Variants in NFATC3 observed in about 807,000 individuals in gnomAD.
NFATC3 encodes nuclear factor of activated T cells 3, also known as nuclear factor of activated T-cells, cytoplasmic 3.
A neutral mutation model predicts 98.6 loss-of-function variants in NFATC3; 46 were observed. The observed-to-expected ratio is 0.47, with a 90% CI of 0.37 to 0.60. The LOEUF is 0.60. Ranked by LOEUF, NFATC3 falls within the 20% of genes least tolerant of loss-of-function variation. NFATC3 has a pLI of 0.00. For missense variants in NFATC3, 1,256 were observed against 1,295.5 expected, an observed-to-expected ratio of 0.97 and a Z score of 0.47; for synonymous variants, 512 against 472.2, an observed-to-expected ratio of 1.08 and a Z score of -1.09.
At chr16:68,221,442 T>C (rs2041861684) in intron 9 of NFATC3, 2 of 1,384,244 alleles carry the variant, frequency 1.4e-6, no homozygotes, top group African/African-American at 2.9e-5. Flanking sequence ...TTATATTCAG[T>C]GCTCACCTGT....
intron 9 of NFATC3, among the ~76,000 whole-genome samples, chr16:68,204,448 A>G: frequency 6.6e-6 from 1 of 152,240 alleles, no homozygotes; most frequent in African/African-American, 2.4e-5. Flanking sequence ...GCACTTTGCT[A>G]GTGGCTCATT....
intron 9 of NFATC3, among the ~76,000 whole-genome samples, chr16:68,207,742 G>A (rs1298630976): frequency 1.3e-5 from 2 of 151,810 alleles, no homozygotes; most frequent in Non-Finnish European, 2.9e-5. Context: ...GATTGCAGGC[G>A]TGAGCCACCA....
At chr16:68,189,408 C>G (rs1352097276) in intron 8 of NFATC3, 1 of 214,160 alleles carries the variant, frequency 4.7e-6, no homozygotes, top group Non-Finnish European at 9.9e-6. Flanking sequence ...CTGGTTTATG[C>G]CTTGGACACA....
In NFATC3 at chr16:68,172,680, G is replaced by A. The variant is rs188265308; in HGVS notation, c.1775-1694G>A. 3.3e-5 allele frequency among the ~76,000 whole-genome samples: 5 copies of A among 152,166 alleles called. No homozygotes were observed. The East Asian group carries it at 9.7e-4, about 29-fold the overall frequency. Reference sequence around the variant, plus strand: ...TCCTATAGTCCCAGCTCCTAGGGAGGGTGAGATCTGAAGATCACTTGAGCA... The same window carrying A: ...TCCTATAGTCCCAGCTCCTAGGGAGAGTGAGATCTGAAGATCACTTGAGCA... On this transcript the variant is annotated intron_variant, in intron 5 of 9. Coordinates refer to ENST00000346183, the MANE Select transcript of NFATC3 (RefSeq NM_173165.3).
intron 5 of NFATC3, among the ~76,000 whole-genome samples, chr16:68,170,636 G>A (rs2039417236): frequency 1.3e-5 from 2 of 151,602 alleles, no homozygotes; most frequent in South Asian, 4.2e-4. Context: ...GGGATTACAG[G>A]TGCCCACCAC....
intron 3 of NFATC3, among the ~76,000 whole-genome samples, chr16:68,135,168 C>G (rs1294641109): frequency 6.6e-6 from 1 of 151,934 alleles, no homozygotes; most frequent in African/African-American, 2.4e-5. Context: ...TCAAATGAAA[C>G]TGAACTGTGG....
At chr16:68,186,142 A>T (rs774702900) in intron 8 of NFATC3, among the ~76,000 whole-genome samples, 6 of 151,950 alleles carry the variant, frequency 3.9e-5, no homozygotes, top group Non-Finnish European at 4.4e-5. Flanking sequence ...TCTCTGTAGC[A>T]TTTAGCTTTT....
Position 68,226,897 on chromosome 16 carries a change from C to CAAAAAAAAAAAAAAAAAAAAAAAAAAAA in NFATC3, c.*452_*453insAAAAAAAAAAAAAAAAAAAAAAAAAAAA, listed in dbSNP as rs397955987. On this transcript the variant is annotated 3_prime_UTR_variant, in exon 10 of 10. Coordinates refer to ENST00000346183, the MANE Select transcript of NFATC3 (RefSeq NM_173165.3). ...AACTTTTGATAAGACCTTCTAGAAG[C>CAAAAAAAAAAAAAAAAAAAAAAAAAAAA]AAAAAAAAAAAAAAAAAAAAAAAAA... 82 of 30,342 alleles carry CAAAAAAAAAAAAAAAAAAAAAAAAAAAA rather than the reference C, an allele frequency of 2.7e-3. 2 individuals are homozygous for CAAAAAAAAAAAAAAAAAAAAAAAAAAAA. Among genetic ancestry groups the CAAAAAAAAAAAAAAAAAAAAAAAAAAAA allele is most frequent in the Non-Finnish European group, 3.5e-3 (63 of 18,160 alleles). 1.9% of individuals were successfully genotyped at this position (30,342 alleles called of 1,614,324 possible).
rs1229872157 is a variant in NFATC3 at position 68,227,488 on chromosome 16, C to CA, written c.*1018dup. 6.6e-6 allele frequency: 1 copy of CA among 152,148 alleles called. No homozygotes were observed. Among genetic ancestry groups the CA allele is most frequent in the East Asian group, 1.9e-4 (1 of 5,206 alleles). 9.4% of individuals were successfully genotyped at this position (152,148 alleles called of 1,614,324 possible). A position where few individuals can be genotyped will look rare whatever the true frequency, so the allele number is the denominator to read the frequency against. ...TGTGCAGAGCTAAAGCACAAATGAG[C>CA]AGTACATCAGCATGGGCAGAGAAAA... On this transcript the variant is annotated 3_prime_UTR_variant, in exon 10 of 10. Coordinates refer to ENST00000346183, the MANE Select transcript of NFATC3 (RefSeq NM_173165.3).
intron 8 of NFATC3, among the ~76,000 whole-genome samples, chr16:68,185,752 A>G (rs944373729): frequency 1.3e-5 from 2 of 151,198 alleles, no homozygotes; most frequent in Admixed American, 6.6e-5. Flanking sequence ...AGTCCTAGCT[A>G]CTCGGGAGGC....
chr16:68,105,791 G>A (rs994501178), intron 1 of NFATC3, among the ~76,000 whole-genome samples: 2 of 152,082 alleles, frequency 1.3e-5, no homozygotes, highest in Non-Finnish European at 2.9e-5. Context: ...TTTTTCTTCT[G>A]AGTCAGTTTT....
At chr16:68,179,117 C>T (rs545147646) in intron 6 of NFATC3, among the ~76,000 whole-genome samples, 1 of 152,172 alleles carries the variant, frequency 6.6e-6, no homozygotes, top group African/African-American at 2.4e-5. Flanking sequence ...CTATAATTAC[C>T]CTTTCCTCAT....
In NFATC3 at chr16:68,129,669, G is replaced by A. The variant is rs568419724; in HGVS notation, c.1401+3059G>A. Among the ~76,000 whole-genome samples the A allele has an allele frequency of 4.7e-3, 625 of 133,964 alleles. 7 individuals are homozygous for A. The highest frequency in any genetic ancestry group is 0.017 in the African/African-American group (612 of 35,570). The allele number at this position is 133,964 out of a possible 152,430, so 87.9% of individuals were successfully genotyped here. ...CCTCCCACCTTGCCCGCTGCTCCCC[G>A]CCTTTTTTTTTTTTTTTTTTTTTTA... On this transcript the variant is annotated intron_variant, in intron 3 of 9. Coordinates refer to ENST00000346183, the MANE Select transcript of NFATC3 (RefSeq NM_173165.3).
At chr16:68,220,744 A>T (rs1169832486) in intron 9 of NFATC3, among the ~76,000 whole-genome samples, 1 of 128,448 alleles carries the variant, frequency 7.8e-6, no homozygotes, top group Admixed American at 7.5e-5. Context: ...CGTCTCTACT[A>T]AAAAAAAAAA....
intron 9 of NFATC3, among the ~76,000 whole-genome samples, chr16:68,218,922 T>C (rs945793964): frequency 6.6e-6 from 1 of 151,828 alleles, no homozygotes; most frequent in Non-Finnish European, 1.5e-5. Context: ...ATTTTTAAAA[T>C]ACATTTAGTC....
At chr16:68,088,360 T>C (rs1453421237) in intron 1 of NFATC3, among the ~76,000 whole-genome samples, 2 of 146,530 alleles carry the variant, frequency 1.4e-5, no homozygotes, top group African/African-American at 2.5e-5. Context: ...ATATATAAAA[T>C]ACATATATAT....
intron 9 of NFATC3, 102 bp downstream of exon 9, chr16:68,191,877 G>A (rs1357293048): frequency 2.4e-6 from 3 of 1,263,784 alleles, no homozygotes; most frequent in Non-Finnish European, 1.1e-6. Flanking sequence ...TTGGCATATG[G>A]TTGGGCTTTT....
rs532698163 is a variant in NFATC3 at position 68,228,837 on chromosome 16, T to C, written c.*2366T>C. On this transcript the variant is annotated 3_prime_UTR_variant, in exon 10 of 10. Coordinates refer to ENST00000346183, the MANE Select transcript of NFATC3 (RefSeq NM_173165.3). Reference sequence around the variant, plus strand: ...GGGTTGAGGAATGGAATGGGTAGCCTTCTGCTTACTGGAGATGCACAGAGA... The same window carrying C: ...GGGTTGAGGAATGGAATGGGTAGCCCTCTGCTTACTGGAGATGCACAGAGA... 2 of 152,298 alleles carry C rather than the reference T, an allele frequency of 1.3e-5. No homozygotes were observed. The highest frequency in any genetic ancestry group is 2.4e-5 in the African/African-American group (1 of 41,472). The allele number at this position is 152,298 out of a possible 1,614,324, so 9.4% of individuals were successfully genotyped here.
At chr16:68,124,508 C>T (rs1484196241) in intron 2 of NFATC3, among the ~76,000 whole-genome samples, 1 of 150,720 alleles carries the variant, frequency 6.6e-6, no homozygotes. Context: ...TCTCGGCTTA[C>T]TGCAAGCTCC....
Sources: gnomAD v4.1 joint callset for allele counts (sites outside exome capture counted in the v4.1 genomes callset) on GRCh38, gnomAD v4.1.1 for gene constraint, MANE v1.5 for transcripts, NCBI Gene and HGNC (gene_info 2026-07-23, HGNC 2026-07-21) for gene names.